Variants in SNTG1 observed in about 807,000 individuals in gnomAD.
SNTG1 encodes syntrophin gamma 1.
A neutral mutation model predicts 74.7 loss-of-function variants in SNTG1; 39 were observed. The ratio of observed to expected loss-of-function variants is 0.52; its 90% CI spans 0.40 to 0.68. The LOEUF (loss-of-function observed/expected upper bound fraction) is 0.68. Among genes scored for constraint, SNTG1 ranks in the 30% least tolerant of loss-of-function variants. The probability of loss-of-function intolerance (pLI) is 0.00; values close to 1 mark genes in which losing one functional copy is unlikely to be tolerated. For missense variants in SNTG1, 685 were observed against 609.5 expected, an observed-to-expected ratio of 1.12 and a Z score of -1.30; for synonymous variants, 254 against 217.1, an observed-to-expected ratio of 1.17 and a Z score of -1.49.
chr8:49,996,180 C>T (rs1202910084), intron 1 of SNTG1, among the ~76,000 whole-genome samples: 2 of 151,888 alleles, frequency 1.3e-5, no homozygotes, highest in Non-Finnish European at 1.5e-5. Context: ...ATATATAAAG[C>T]TAAATAAGAT....
chr8:50,030,237 A>G (rs978750863), intron 1 of SNTG1, among the ~76,000 whole-genome samples: 8 of 152,012 alleles, frequency 5.3e-5, no homozygotes, highest in African/African-American at 1.7e-4. Context: ...AGCTCCGTAT[A>G]TATTCTACTA....
chr8:50,050,160 G>C (rs1174510803), intron 1 of SNTG1, among the ~76,000 whole-genome samples: 1 of 151,152 alleles, frequency 6.6e-6, no homozygotes, highest in African/African-American at 2.4e-5. Context: ...GAAAGCAAAG[G>C]CTGGCTCTTT....
At chr8:50,552,151 T>C (rs2094430816) in intron 11 of SNTG1, among the ~76,000 whole-genome samples, 1 of 152,230 alleles carries the variant, frequency 6.6e-6, no homozygotes, top group South Asian at 2.1e-4. Flanking sequence ...ATATAGTTTG[T>C]GTATTGTGTT....
chr8:50,245,594 A>G (rs529900334), intron 2 of SNTG1, among the ~76,000 whole-genome samples: 3 of 152,230 alleles, frequency 2.0e-5, no homozygotes, highest in Admixed American at 2.0e-4. Context: ...GAGGCAGGAG[A>G]ATCCCTTGAA....
chr8:50,586,188 TTCTTA>T (rs2094646962), intron 12 of SNTG1, among the ~76,000 whole-genome samples: 1 of 152,240 alleles, frequency 6.6e-6, no homozygotes, highest in African/African-American at 2.4e-5. Context: ...TAAAATGCAC[TTCTTA>T]TCTTCAAAGG....
At chr8:50,756,574 C>T (rs73678687) in intron 18 of SNTG1, among the ~76,000 whole-genome samples, 3,021 of 151,766 alleles carry the variant, frequency 0.02, 96 homozygotes, top group African/African-American at 0.065. Flanking sequence ...GATTAGTTGA[C>T]TGTATTTATG....
At chr8:50,044,121 G>A (rs531731356) in intron 1 of SNTG1, among the ~76,000 whole-genome samples, 7 of 152,022 alleles carry the variant, frequency 4.6e-5, no homozygotes, top group African/African-American at 7.2e-5. Context: ...CCTCTTTTTC[G>A]CCAGGGGTTA....
At chr8:50,014,088 T>G (rs552851334) in intron 1 of SNTG1, among the ~76,000 whole-genome samples, 1 of 152,132 alleles carries the variant, frequency 6.6e-6, no homozygotes, top group Non-Finnish European at 1.5e-5. Context: ...CGGTGATGTT[T>G]TAAGTTGGTG....
At chr8:50,336,764 T>A (rs2091157512) in intron 2 of SNTG1, among the ~76,000 whole-genome samples, 1 of 152,198 alleles carries the variant, frequency 6.6e-6, no homozygotes, top group Admixed American at 6.5e-5. Context: ...CTCATGCTTA[T>A]CTTGACCTTG....
At chr8:50,115,869 C>T (rs888671779) in intron 1 of SNTG1, among the ~76,000 whole-genome samples, 2 of 151,698 alleles carry the variant, frequency 1.3e-5, no homozygotes, top group Admixed American at 6.6e-5. Flanking sequence ...AAAGTACCAC[C>T]CACCGCCCCC....
intron 18 of SNTG1, among the ~76,000 whole-genome samples, chr8:50,756,890 G>A (rs1033394100): frequency 3.3e-5 from 5 of 151,596 alleles, no homozygotes; most frequent in East Asian, 1.9e-4. Flanking sequence ...GAGTCTCCCC[G>A]TCCATGAATA....
At position 50,632,901 on chromosome 8, in the gene SNTG1, C is replaced by T. The variant is rs72643646; in HGVS notation, c.850-24008C>T. 2.1e-3 allele frequency among the ~76,000 whole-genome samples: 317 copies of T among 152,216 alleles called. 4 individuals are homozygous for T. Among genetic ancestry groups the T allele is most frequent in the Non-Finnish European group, 3.9e-3 (262 of 68,010 alleles). The stretch of plus-strand genomic sequence containing the variant: ...TCCTTTGTCTCTGATTCAAGAATAC[C>T]GTGTCTTCTACCAGTACCTATAAAC... On this transcript the variant is annotated intron_variant, in intron 13 of 18. Coordinates refer to ENST00000642720, the MANE Select transcript of SNTG1 (RefSeq NM_018967.5).
intron 1 of SNTG1, among the ~76,000 whole-genome samples, chr8:49,979,354 A>G (rs1241825365): frequency 6.6e-6 from 1 of 152,210 alleles, no homozygotes; most frequent in African/African-American, 2.4e-5. Flanking sequence ...CCGTTTCAGC[A>G]GGCGAGGGTC....
At chr8:50,629,172 T>A (rs2094978355) in intron 13 of SNTG1, among the ~76,000 whole-genome samples, 1 of 152,194 alleles carries the variant, frequency 6.6e-6, no homozygotes, top group Admixed American at 6.5e-5. Flanking sequence ...TACTTAACAA[T>A]ACCGTGTTGC....
intron 15 of SNTG1, among the ~76,000 whole-genome samples, chr8:50,699,144 G>T (rs550821873): frequency 1.3e-5 from 2 of 152,086 alleles, no homozygotes; most frequent in African/African-American, 4.8e-5. Flanking sequence ...TCTGTACCCT[G>T]TGCTTTTTTT....
intron 5 of SNTG1, among the ~76,000 whole-genome samples, chr8:50,447,432 T>A (rs1447219398): frequency 6.6e-6 from 1 of 152,210 alleles, no homozygotes; most frequent in East Asian, 1.9e-4. Flanking sequence ...ATGGTTTAAT[T>A]CTACCTAAAA....
chr8:50,056,550 T>G (rs1372676154), intron 1 of SNTG1, among the ~76,000 whole-genome samples: 1 of 152,170 alleles, frequency 6.6e-6, no homozygotes, highest in East Asian at 1.9e-4. Context: ...CCCTGGAGTG[T>G]GTCCAACTTC....
At chr8:50,284,335 C>G (rs1385770631) in intron 2 of SNTG1, among the ~76,000 whole-genome samples, 1 of 151,942 alleles carries the variant, frequency 6.6e-6, no homozygotes, top group Non-Finnish European at 1.5e-5. Flanking sequence ...TTTCAGAGAG[C>G]AAGATCACAG....
chr8:50,138,292 A>G (rs1017361070), intron 1 of SNTG1, among the ~76,000 whole-genome samples: 1 of 152,014 alleles, frequency 6.6e-6, no homozygotes, highest in African/African-American at 2.4e-5. Flanking sequence ...ATAATTCAGC[A>G]TGATGCCACT....
Sources: allele counts gnomAD v4.1 joint callset (sites outside exome capture counted in the v4.1 genomes callset), GRCh38; gene constraint gnomAD v4.1.1; transcripts MANE v1.5; gene names NCBI Gene and HGNC (gene_info 2026-07-23, HGNC 2026-07-21).